EPG5: variants seen among roughly 807,000 people sequenced by gnomAD.
EPG5 encodes ectopic P-granules 5 autophagy tethering factor.
In EPG5, 159 loss-of-function variants were observed where a neutral mutation model predicts 302.7. That is an observed-to-expected ratio of 0.53 (90% CI 0.46 to 0.60). The LOEUF (loss-of-function observed/expected upper bound fraction) is 0.60, where lower values mean the gene tolerates loss of function less well. EPG5 is among the 20% of genes least tolerant of loss of function. The pLI is 0.00. For missense variants in EPG5, 2,896 were observed against 3,092.4 expected (o/e 0.94, Z 1.51); for synonymous variants, 1,158 against 1,136.8 (o/e 1.02, Z -0.37).
chr18:45,865,747 T>C lies in EPG5; in HGVS notation c.6634A>G (p.Lys2212Glu). Residue 2212 changes from lysine to glutamate, a missense_variant, in exon 39 of 44, where the codon AAA becomes GAA. Coordinates refer to ENST00000282041, the MANE Select transcript of EPG5 (RefSeq NM_020964.3). ...DSQKHLDAVP[K>E]CQAFTHQMVQ... ...ATCTGATGAGTAAAAGCTTGGCATT[T>C]TGGAACTGCATCCTGACCAAAAAAA... 3 of 1,607,292 alleles carry C rather than the reference T, an allele frequency of 1.9e-6. No individual in the cohort carries two copies. Among genetic ancestry groups the C allele is most frequent in the Non-Finnish European group, 2.5e-6 (3 of 1,177,930 alleles).
At chr18:45,827,287 C>A in the EPG5 span, among the ~76,000 whole-genome samples, 11 of 152,140 alleles carry the variant, frequency 7.2e-5, no homozygotes, top group African/African-American at 9.7e-5. Context: ...AGGGGCTCAA[C>A]AAGTGGCAGG....
chr18:45,836,902 G>A, the EPG5 span: 29 of 644,634 alleles, frequency 4.5e-5, no homozygotes, highest in Non-Finnish European at 7.2e-5. Flanking sequence ...CTAGAATGCA[G>A]GCTGTAGAGT....
At chr18:45,949,664 C>A in intron 4 of EPG5, 73 bp from the exon 5 acceptor site, 1 of 954,294 alleles carries the variant, frequency 1.0e-6, no homozygotes, top group South Asian at 1.6e-5. Context: ...CTAGTAAAGT[C>A]ATTTATCCAG....
chr18:45,907,863 T>G, intron 24 of EPG5, 95 bp downstream of exon 24: 1 of 1,247,648 alleles, frequency 8.0e-7, no homozygotes, highest in Non-Finnish European at 1.1e-6. Context: ...ACCCATTTTC[T>G]TATCAATAAA....
chr18:45,956,336 C>A (rs550598425), intron 1 of EPG5, among the ~76,000 whole-genome samples: 194 of 152,246 alleles, frequency 1.3e-3, no homozygotes, highest in African/African-American at 4.5e-3. Flanking sequence ...AGTGATCTGA[C>A]AACTAAGTGT....
rs373021477 is a variant in EPG5 at position 45,899,379 on chromosome 18, G to T, written c.4809+25C>A. 22 of 1,613,072 alleles carry T rather than the reference G, an allele frequency of 1.4e-5. No homozygotes were observed. In the African/African-American group the frequency reaches 2.1e-4, roughly 16 times the overall value. Reference sequence around the variant, plus strand: ...TACGGACTCAATTAAAATTCTCTCAGTTCTGAAGAAATTTAAACACTTACC... The same window carrying T: ...TACGGACTCAATTAAAATTCTCTCATTTCTGAAGAAATTTAAACACTTACC... On this transcript the variant is annotated intron_variant, in intron 27 of 43. Coordinates refer to ENST00000282041, the MANE Select transcript of EPG5 (RefSeq NM_020964.3).
the EPG5 span, among the ~76,000 whole-genome samples, chr18:45,826,781 T>G: frequency 6.6e-6 from 1 of 152,218 alleles, no homozygotes; most frequent in Non-Finnish European, 1.5e-5. Flanking sequence ...CCATCTGGCG[T>G]GTACTCAGAC....
intron 36 of EPG5, chr18:45,868,187 C>T (rs532432472): frequency 6.3e-4 from 288 of 455,662 alleles, no homozygotes; most frequent in Non-Finnish European, 7.9e-4. Flanking sequence ...GACTGCTGGG[C>T]CTACCCCTAG....
Position 45,889,834 on chromosome 18 carries a change from A to G in EPG5, c.4916T>C (p.Ile1639Thr), listed in dbSNP as rs375030392. Reference protein sequence around the residue: ...AEAAKPPSLNIVEAAVHAENL... With the variant: ...AEAAKPPSLNTVEAAVHAENL... The stretch of plus-strand genomic sequence containing the variant: ...TTCTGCATGTACAGCAGCTTCCACA[A>G]TATTAAGTGATGGTGGTTTAGCAGC... Residue 1639 changes from isoleucine to threonine, a missense_variant, in exon 28 of 44, where the codon ATT (isoleucine) becomes ACT (threonine). By Grantham distance (89) the Ile-to-Thr change is moderately conservative (BLOSUM62 -1). Around this residue, in one of 5 missense-constraint regions of EPG5, gnomAD observed 790 missense variants for 798.0 expected, o/e 0.99. Transcript: ENST00000282041. 1 of 1,611,962 alleles carries G rather than the reference A, an allele frequency of 6.2e-7. No individual in the cohort carries two copies. The highest frequency in any genetic ancestry group is 1.7e-5 in the Admixed American group (1 of 59,682).
chr18:45,940,175 C>T (rs1599618900), intron 9 of EPG5, among the ~76,000 whole-genome samples: 1 of 152,056 alleles, frequency 6.6e-6, no homozygotes, highest in Non-Finnish European at 1.5e-5. Context: ...GAAGAGTGTC[C>T]ACGTAGAAGA....
chr18:45,860,455 A>T (rs552702918), intron 39 of EPG5, 109 bp from the exon 40 acceptor site: 2 of 1,396,636 alleles, frequency 1.4e-6, no homozygotes, highest in Admixed American at 1.8e-5. Flanking sequence ...CAGATTTTAC[A>T]GTGCTAGTAG....
chr18:45,921,907 TG>T (rs908722287), intron 16 of EPG5, among the ~76,000 whole-genome samples: 106 of 150,650 alleles, frequency 7.0e-4, no homozygotes, highest in Admixed American at 1.6e-3. Flanking sequence ...CACATGTATA[TG>T]TATGTAGCAA....
chr18:45,917,467 A>G (rs1008219083), intron 17 of EPG5, among the ~76,000 whole-genome samples: 1 of 152,254 alleles, frequency 6.6e-6, no homozygotes, highest in African/African-American at 2.4e-5. Flanking sequence ...AATGAAAAGG[A>G]AAAATATCTT....
At chr18:45,899,891 C>G (rs2049567849) in intron 26 of EPG5, among the ~76,000 whole-genome samples, 1 of 152,238 alleles carries the variant, frequency 6.6e-6, no homozygotes, top group African/African-American at 2.4e-5. Flanking sequence ...TCATCACCCT[C>G]AAGGGGTGCC....
chr18:45,838,753 A>G, the EPG5 span: 12,710 of 1,582,662 alleles, frequency 8.0e-3, 478 homozygotes, highest in African/African-American at 0.11. Context: ...GGTGCTGCCC[A>G]GTCCGGCTCA....
In EPG5 at chr18:45,951,385, T is replaced by G. The variant is rs542231728; in HGVS notation, c.1253-147A>C. The G allele has an allele frequency of 6.4e-6, 3 of 468,336 alleles. No individual in the cohort carries two copies. The East Asian group carries it at 1.1e-4, about 17-fold the overall frequency. The allele number at this position is 468,336 out of a possible 1,614,324, so 29.0% of individuals were successfully genotyped here. A position where few individuals can be genotyped will look rare whatever the true frequency, so the allele number is the denominator to read the frequency against. On this transcript the variant is annotated intron_variant, in intron 3 of 43. Transcript: ENST00000282041. ...AAAAGTTACATCAAAATACTTAAATTTTTATAAACAGACAAGTCAAAAATG... is the reference window on the plus strand; with the variant it reads ...AAAAGTTACATCAAAATACTTAAATGTTTATAAACAGACAAGTCAAAAATG...
chr18:45,820,788 C>T, the EPG5 span, among the ~76,000 whole-genome samples: 5 of 152,310 alleles, frequency 3.3e-5, no homozygotes, highest in African/African-American at 1.2e-4. Context: ...AAGATTGTCG[C>T]ATACCCTTGT....
downstream of EPG5, among the ~76,000 whole-genome samples, chr18:45,845,486 G>A (rs774075350): frequency 6.6e-6 from 1 of 152,182 alleles, no homozygotes; most frequent in Non-Finnish European, 1.5e-5. Context: ...TGCTCTTGGA[G>A]CCTGGCACTG....
chr18:45,857,166 G>C (rs986013276), intron 42 of EPG5, among the ~76,000 whole-genome samples: 3 of 151,968 alleles, frequency 2.0e-5, no homozygotes, highest in African/African-American at 7.3e-5. Flanking sequence ...CTGGAGTGCA[G>C]TGGCATAATT....
Sources: allele counts gnomAD v4.1 joint callset (sites outside exome capture counted in the v4.1 genomes callset), GRCh38; gene constraint gnomAD v4.1.1; regional missense constraint gnomAD v4.1.1; transcripts MANE v1.5; gene names NCBI Gene and HGNC (gene_info 2026-07-23, HGNC 2026-07-21).